ROBO1: variants seen among roughly 807,000 people sequenced by gnomAD.
ROBO1 encodes roundabout homolog 1.
Under a neutral mutation model 195.9 loss-of-function variants are expected in ROBO1, and 149 were observed. The observed-to-expected ratio is 0.76, with a 90% CI of 0.67 to 0.87. The LOEUF is 0.87. Among genes scored for constraint, ROBO1 ranks in the 40% least tolerant of loss-of-function variants. The pLI is 0.00. For missense variants in ROBO1, 1,933 were observed against 2,068.3 expected (o/e 0.93, Z 1.27); for synonymous variants, 816 against 733.2 (o/e 1.11, Z -1.82).
chr3:78,851,425 A>C (rs762711443), intron 4 of ROBO1, among the ~76,000 whole-genome samples: 5 of 152,198 alleles, frequency 3.3e-5, no homozygotes, highest in Non-Finnish European at 7.3e-5. Context: ...ACCAGTCCTT[A>C]TGGCATTTGG....
At chr3:79,184,047 C>A (rs1469507918) in intron 2 of ROBO1, among the ~76,000 whole-genome samples, 3 of 152,112 alleles carry the variant, frequency 2.0e-5, no homozygotes, top group Non-Finnish European at 4.4e-5. Flanking sequence ...ATCCTGTAAT[C>A]TTTTTGTTTC....
rs888246696 is a variant in ROBO1 at position 78,852,291 on chromosome 3, T to A, written c.499+86310A>T. Reference sequence around the variant, plus strand: ...AGAAGTACTTTAAACCTCTGTAACATATCTAGAGACTCCAATTAAATGAGA... The same window carrying A: ...AGAAGTACTTTAAACCTCTGTAACAAATCTAGAGACTCCAATTAAATGAGA... On this transcript the variant is annotated intron_variant, in intron 4 of 30. Transcript: ENST00000464233. 2.6e-5 allele frequency among the ~76,000 whole-genome samples: 4 copies of A among 152,294 alleles called. No homozygotes were observed. The East Asian group carries it at 7.7e-4, about 29-fold the overall frequency.
intron 2 of ROBO1, among the ~76,000 whole-genome samples, chr3:79,211,657 TAGG>T (rs1403226317): frequency 6.6e-6 from 1 of 152,104 alleles, no homozygotes; most frequent in African/African-American, 2.4e-5. Context: ...GGAAATGAGA[TAGG>T]AGGACAGTTT....
At chr3:78,973,905 C>T (rs1396664412) in intron 3 of ROBO1, among the ~76,000 whole-genome samples, 3 of 151,934 alleles carry the variant, frequency 2.0e-5, no homozygotes, top group African/African-American at 7.2e-5. Flanking sequence ...ATTTTCAAAA[C>T]TCTTGAGTGT....
intron 1 of ROBO1, among the ~76,000 whole-genome samples, chr3:79,673,290 T>C (rs544670722): frequency 2.2e-4 from 34 of 152,074 alleles, no homozygotes; most frequent in Non-Finnish European, 4.4e-4. Context: ...AAGAATTCTC[T>C]TGAGGGTAAA....
chr3:79,117,606 T>C (rs763879151), intron 3 of ROBO1, among the ~76,000 whole-genome samples: 2 of 152,164 alleles, frequency 1.3e-5, no homozygotes, highest in African/African-American at 2.4e-5. Flanking sequence ...CATGGAAATC[T>C]TACTTTTGCT....
At chr3:79,089,912 T>C (rs1357308036) in intron 3 of ROBO1, among the ~76,000 whole-genome samples, 1 of 151,258 alleles carries the variant, frequency 6.6e-6, no homozygotes, top group Non-Finnish European at 1.5e-5. Context: ...GAAATAAACA[T>C]TGATATATAT....
At chr3:79,605,246 C>CT (rs10659867) in intron 1 of ROBO1, among the ~76,000 whole-genome samples, 54 of 147,952 alleles carry the variant, frequency 3.6e-4, no homozygotes, top group South Asian at 1.1e-3. Flanking sequence ...TTCCGTATTA[C>CT]TTTTTTTTTT....
intron 2 of ROBO1, among the ~76,000 whole-genome samples, chr3:79,189,879 A>T (rs1194586543): frequency 6.6e-6 from 1 of 151,752 alleles, no homozygotes; most frequent in Admixed American, 6.6e-5. Flanking sequence ...TTATAAATTG[A>T]ACAGGTACAT....
At chr3:79,440,021 C>G (rs778259014) in intron 2 of ROBO1, among the ~76,000 whole-genome samples, 1 of 151,990 alleles carries the variant, frequency 6.6e-6, no homozygotes, top group African/African-American at 2.4e-5. Context: ...ACAGATAGAA[C>G]AAAAGGTAGA....
At chr3:79,537,282 C>T (rs1174922998) in intron 2 of ROBO1, among the ~76,000 whole-genome samples, 3 of 151,776 alleles carry the variant, frequency 2.0e-5, no homozygotes, top group Admixed American at 6.6e-5. Context: ...AGATCCTGAG[C>T]GAAAGATTTG....
At chr3:79,027,155 A>G (rs1270921485) in intron 3 of ROBO1, among the ~76,000 whole-genome samples, 2 of 152,222 alleles carry the variant, frequency 1.3e-5, no homozygotes, top group African/African-American at 4.8e-5. Context: ...CATTTCATCT[A>G]ACTATCCATT....
intron 2 of ROBO1, among the ~76,000 whole-genome samples, chr3:79,128,571 T>C (rs1576710937): frequency 6.6e-6 from 1 of 152,116 alleles, no homozygotes; most frequent in Non-Finnish European, 1.5e-5. Context: ...ACAAATAAAC[T>C]CAAATGCTAT....
At chr3:78,757,433 G>GCACGCA (rs2082965296) in intron 4 of ROBO1, among the ~76,000 whole-genome samples, 2 of 149,764 alleles carry the variant, frequency 1.3e-5, no homozygotes, top group African/African-American at 4.9e-5. Flanking sequence ...ATGCGCACAT[G>GCACGCA]CACACACACA....
At chr3:79,697,219 T>C (rs1240593608) in intron 1 of ROBO1, among the ~76,000 whole-genome samples, 1 of 151,504 alleles carries the variant, frequency 6.6e-6, no homozygotes, top group Non-Finnish European at 1.5e-5. Flanking sequence ...TATATAATTA[T>C]CATTTTCTAA....
chr3:79,228,010 A>T (rs1039306006), intron 2 of ROBO1, among the ~76,000 whole-genome samples: 5 of 152,128 alleles, frequency 3.3e-5, no homozygotes, highest in African/African-American at 1.2e-4. Flanking sequence ...AACTATTTTG[A>T]TTAGCTTCTT....
At chr3:79,538,156 T>C (rs549653485) in intron 2 of ROBO1, among the ~76,000 whole-genome samples, 3 of 152,148 alleles carry the variant, frequency 2.0e-5, no homozygotes, top group Non-Finnish European at 4.4e-5. Context: ...TAATTTTAGG[T>C]AACATTATTA....
intron 1 of ROBO1, among the ~76,000 whole-genome samples, chr3:79,665,597 T>TG (rs1946454556): frequency 6.6e-6 from 1 of 151,876 alleles, no homozygotes; most frequent in Non-Finnish European, 1.5e-5. Context: ...CATTTGAGTC[T>TG]GTAAAATATG....
intron 28 of ROBO1, among the ~76,000 whole-genome samples, chr3:78,613,257 A>G (rs888661418): frequency 6.6e-6 from 1 of 152,156 alleles, no homozygotes; most frequent in Non-Finnish European, 1.5e-5. Flanking sequence ...TTCAATTTAG[A>G]TGTGTTTACA....
Sources: allele counts gnomAD v4.1 joint callset (sites outside exome capture counted in the v4.1 genomes callset), GRCh38; gene constraint gnomAD v4.1.1; transcripts MANE v1.5; gene names NCBI Gene and HGNC (gene_info 2026-07-23, HGNC 2026-07-21).